The following PLEKHA7 variants were observed in gnomAD, a reference collection of about 807,000 sequenced individuals.
The protein encoded by PLEKHA7 is pleckstrin homology domain containing A7.
Under a neutral mutation model 170.0 loss-of-function variants are expected in PLEKHA7, and 104 were observed. The observed-to-expected ratio is 0.61, with a 90% CI of 0.52 to 0.72. The LOEUF is 0.72. Among genes scored for constraint, PLEKHA7 ranks in the 30% least tolerant of loss-of-function variants. The pLI, the probability that PLEKHA7 is intolerant of heterozygous loss-of-function variation, is 0.00. For synonymous variants in PLEKHA7, 648 were observed against 660.8 expected (o/e 0.98, Z 0.30); for missense variants, 1,615 against 1,671.7 (o/e 0.97, Z 0.59).
At chr11:16,826,761 T>C (rs1029851082) in intron 9 of PLEKHA7, among the ~76,000 whole-genome samples, 171 bp from the exon 10 acceptor site, 2 of 152,350 alleles carry the variant, frequency 1.3e-5, no homozygotes, top group South Asian at 2.1e-4. Flanking sequence ...TTTGGGGATC[T>C]GGCTTAACAC....
intron 3 of PLEKHA7, among the ~76,000 whole-genome samples, chr11:16,889,445 A>G (rs1157443557): frequency 3.7e-5 from 5 of 135,342 alleles, no homozygotes; most frequent in African/African-American, 1.4e-4. Flanking sequence ...ATATATATAT[A>G]TGAACTATTA....
chr11:16,796,544 A>T (rs1848241524), intron 17 of PLEKHA7, among the ~76,000 whole-genome samples: 1 of 152,242 alleles, frequency 6.6e-6, no homozygotes, highest in Admixed American at 6.5e-5. Context: ...TAATGGATAC[A>T]GGATTTCTAC....
intron 3 of PLEKHA7, among the ~76,000 whole-genome samples, chr11:16,989,834 C>G (rs1422411427): frequency 6.6e-6 from 1 of 152,158 alleles, no homozygotes; most frequent in African/African-American, 2.4e-5. Context: ...TGGCTGTGTA[C>G]TACACACAGC....
intron 3 of PLEKHA7, among the ~76,000 whole-genome samples, chr11:16,906,241 AGG>A (rs1163086498): frequency 6.0e-4 from 48 of 79,866 alleles, no homozygotes; most frequent in Non-Finnish European, 1.4e-3. Flanking sequence ...GAAGGAAGGA[AGG>A]AAGGAAGGAA....
intron 3 of PLEKHA7, among the ~76,000 whole-genome samples, chr11:16,967,818 C>T (rs547641036): frequency 3.9e-5 from 6 of 152,252 alleles, no homozygotes; most frequent in African/African-American, 1.4e-4. Context: ...ATTTGACACA[C>T]ACACACTTGC....
intron 3 of PLEKHA7, among the ~76,000 whole-genome samples, chr11:16,952,349 CA>C (rs1861456591): frequency 1.3e-5 from 2 of 152,244 alleles, no homozygotes; most frequent in African/African-American, 4.8e-5. Context: ...AAAACTCAAG[CA>C]GCCATATTAA....
In PLEKHA7 at chr11:16,851,119, G is replaced by A. The variant is rs1852908630; in HGVS notation, c.696+72C>T. ...CTTCCCCCTCCCGACAAAAGCAACT[G>A]CTTTTATGAAGACATTTTGAGAACA... On this transcript the variant is annotated intron_variant, in intron 8 of 26. Transcript: ENST00000531066. 1.0e-5 allele frequency: 13 copies of A among 1,244,868 alleles called. No individual in the cohort carries two copies. The South Asian group carries it at 2.1e-4, about 20-fold the overall frequency. The allele number at this position is 1,244,868 out of a possible 1,614,324, so 77.1% of individuals were successfully genotyped here. A position where few individuals can be genotyped will look rare whatever the true frequency, so the allele number is the denominator to read the frequency against.
intron 24 of PLEKHA7, among the ~76,000 whole-genome samples, chr11:16,785,922 C>T (rs1263629891): frequency 2.0e-5 from 3 of 152,164 alleles, no homozygotes; most frequent in Non-Finnish European, 2.9e-5. Context: ...TGGCTTTGAT[C>T]GCTAAACCTC....
chr11:17,014,052 G>A lies in PLEKHA7; in HGVS notation c.164-6C>T. ...CTCCCAGCCGCGGGGCAGGTCTGCGGAAACGCCAGAAAAGTCGGGTCAAAC... is the reference window on the plus strand; with the variant it reads ...CTCCCAGCCGCGGGGCAGGTCTGCGAAAACGCCAGAAAAGTCGGGTCAAAC... On this transcript the variant is annotated splice_polypyrimidine_tract_variant and splice_region_variant and intron_variant, in intron 2 of 26. Transcript: ENST00000531066. The A allele has an allele frequency of 6.4e-7, 1 of 1,567,340 alleles. No homozygotes were observed.
intron 26 of PLEKHA7, chr11:16,780,895 G>C: frequency 1.4e-6 from 1 of 711,740 alleles, no homozygotes; most frequent in Non-Finnish European, 1.7e-6. Flanking sequence ...CTCAGCGCTA[G>C]GGAGGTGCAG....
intron 9 of PLEKHA7, among the ~76,000 whole-genome samples, chr11:16,832,353 C>G (rs983889052): frequency 4.6e-5 from 7 of 152,186 alleles, no homozygotes; most frequent in Admixed American, 3.9e-4. Flanking sequence ...GGTTGGGCCC[C>G]AGCATTTCTA....
chr11:16,910,408 GA>G (rs1254569190), intron 3 of PLEKHA7, among the ~76,000 whole-genome samples: 1 of 152,202 alleles, frequency 6.6e-6, no homozygotes, highest in Non-Finnish European at 1.5e-5. Context: ...CAAAGATGAG[GA>G]GAGAGCTTAT....
chr11:17,003,009 T>TTTTTTTTTG (rs55650178), intron 3 of PLEKHA7, among the ~76,000 whole-genome samples: 1 of 117,716 alleles, frequency 8.5e-6, no homozygotes. Context: ...TTTTTTTTTT[T>TTTTTTTTTG]GTGATGGAGT....
rs1336353023 is a variant in PLEKHA7 at position 16,803,244 on chromosome 11, C to T, written c.2059G>A (p.Ala687Thr). The T allele has an allele frequency of 4.3e-6, 7 of 1,613,928 alleles. No homozygotes were observed. The highest frequency in any genetic ancestry group is 4.5e-5 in the East Asian group (2 of 44,866). Residue 687 changes from alanine (A) to threonine (T), a missense_variant, in exon 14 of 27, where the codon GCT (alanine) becomes ACT (threonine). Physicochemically the swap from Ala to Thr is moderately conservative, Grantham distance 58. Coordinates refer to ENST00000531066, the MANE Select transcript of PLEKHA7 (RefSeq NM_001329630.2). Reference sequence around the variant, plus strand: ...TCACTCACGTCAGTGTCGCTCTCAGCGATCTTCACAGGCTTCAGACTTCGA... The same window carrying T: ...TCACTCACGTCAGTGTCGCTCTCAGTGATCTTCACAGGCTTCAGACTTCGA... ...KDRSLKPVKI[A>T]ESDTDVKLSI...
At chr11:16,814,103 C>CATGGGAGTTGAG (rs1214923397) in intron 12 of PLEKHA7, among the ~76,000 whole-genome samples, 5 of 152,178 alleles carry the variant, frequency 3.3e-5, no homozygotes, top group African/African-American at 1.2e-4. Context: ...TGAGGCAGGG[C>CATGGGAGTTGAG]TCTTATGCAT....
At position 16,786,401 on chromosome 11, in the gene PLEKHA7, A is replaced by C. The variant is rs1849396970; in HGVS notation, c.3358-14T>G. The C allele has an allele frequency of 6.5e-7, 1 of 1,536,092 alleles. No individual in the cohort carries two copies. The highest frequency in any genetic ancestry group is 8.7e-7 in the Non-Finnish European group (1 of 1,146,882). The stretch of plus-strand genomic sequence containing the variant: ...CTCACGCTTCCACTGGCAACAGAAC[A>C]AGAGGTTAAACGTAGTCGCTTCCTG... On this transcript the variant is annotated splice_polypyrimidine_tract_variant and intron_variant, in intron 23 of 26. Transcript: ENST00000531066.
intron 4 of PLEKHA7, among the ~76,000 whole-genome samples, chr11:16,869,400 TCTC>T (rs1275989146): frequency 6.6e-6 from 1 of 152,210 alleles, no homozygotes; most frequent in Non-Finnish European, 1.5e-5. Flanking sequence ...GCATCTTGGC[TCTC>T]CTAAGCTGTG....
intron 9 of PLEKHA7, among the ~76,000 whole-genome samples, chr11:16,838,997 T>C (rs1050815871): frequency 1.3e-5 from 2 of 152,178 alleles, no homozygotes; most frequent in African/African-American, 2.4e-5. Context: ...CACAGCTTTC[T>C]TTAAAGGGCA....
chr11:16,896,274 G>A (rs1222173886), intron 3 of PLEKHA7, among the ~76,000 whole-genome samples: 5 of 152,090 alleles, frequency 3.3e-5, no homozygotes, highest in Admixed American at 3.3e-4. Context: ...CCCCATCTTG[G>A]TGAAGGTCAC....
Sources: allele counts gnomAD v4.1 joint callset (sites outside exome capture counted in the v4.1 genomes callset), GRCh38; gene constraint gnomAD v4.1.1; transcripts MANE v1.5; gene names NCBI Gene and HGNC (gene_info 2026-07-23, HGNC 2026-07-21).